GCM2: variants seen among roughly 807,000 people sequenced by gnomAD.
The protein encoded by GCM2 is chorion-specific transcription factor GCMb.
GCM2 carries 21 observed loss-of-function variants against 24.8 expected under a neutral mutation model. That is an observed-to-expected ratio of 0.85 (90% CI 0.60 to 1.22). The LOEUF (loss-of-function observed/expected upper bound fraction) is 1.22. Ranked by LOEUF, GCM2 falls within the 50% of genes most tolerant of loss-of-function variation. The pLI is 0.00. For synonymous variants in GCM2, 222 were observed against 238.0 expected (o/e 0.93, Z 0.62); for missense variants, 532 against 645.6 (o/e 0.82, Z 1.91).
intron 1 of GCM2, among the ~76,000 whole-genome samples, chr6:10,878,849 T>A (rs1177062590): frequency 6.6e-6 from 1 of 152,170 alleles, no homozygotes; most frequent in African/African-American, 2.4e-5. Context: ...AGAAGATGGG[T>A]AGCAGCCAGA....
intron 1 of GCM2, among the ~76,000 whole-genome samples, chr6:10,881,407 C>G (rs1779955516): frequency 6.6e-6 from 1 of 152,160 alleles, no homozygotes; most frequent in Non-Finnish European, 1.5e-5. Context: ...ATCCACCCGC[C>G]TCAGCCTCCC....
At chr6:10,878,467 T>C (rs1328067646) in intron 1 of GCM2, among the ~76,000 whole-genome samples, 4 of 152,080 alleles carry the variant, frequency 2.6e-5, no homozygotes, top group Non-Finnish European at 5.9e-5. Context: ...TATAGGTGCA[T>C]GCCACCACGC....
At position 10,873,983 on chromosome 6, in the gene GCM2, C is replaced by G; in HGVS notation, c.*12G>C. The G allele has an allele frequency of 6.2e-7, 1 of 1,603,062 alleles. No homozygotes were observed. The highest frequency in any genetic ancestry group is 1.1e-5 in the South Asian group (1 of 90,842). On this transcript the variant is annotated 3_prime_UTR_variant, in exon 5 of 5. Transcript: ENST00000379491. ...TGCATGCACACTGCTATTATGTCCC[C>G]TGGATTGTCTTTCAAAAATCCTCAT...
rs1199998575 is a variant in GCM2, at chr6:10,881,817, C to T, written c.-24G>A. The T allele has an allele frequency of 1.3e-6, 2 of 1,594,514 alleles. No individual in the cohort carries two copies. Among genetic ancestry groups the T allele is most frequent in the East Asian group, 4.5e-5 (2 of 44,828 alleles). ...ATCTGCCCAACTCGCTCGCGCTTTC[C>T]GCCCAGGGTTCTGAAAAATAGAAGA... On this transcript the variant is annotated 5_prime_UTR_variant, in exon 1 of 5. Coordinates refer to ENST00000379491, the MANE Select transcript of GCM2 (RefSeq NM_004752.4).
intron 1 of GCM2, 85 bp downstream of exon 1, chr6:10,881,619 G>C: frequency 1.5e-6 from 1 of 677,638 alleles, no homozygotes; most frequent in Non-Finnish European, 2.5e-6. Context: ...TGGTCCGTCC[G>C]CAGACTCTTC....
At position 10,882,028 on chromosome 6, in the gene GCM2, C is replaced by T. The variant is rs1453474662; in HGVS notation, c.-235G>A. 3.6e-6 allele frequency: 2 copies of T among 548,476 alleles called. No homozygotes were observed. The highest frequency in any genetic ancestry group is 6.6e-6 in the Non-Finnish European group (2 of 305,252). 34.0% of individuals were successfully genotyped at this position (548,476 alleles called of 1,614,324 possible). A position where few individuals can be genotyped will look rare whatever the true frequency, so the allele number is the denominator to read the frequency against. ...GCCGCGGTGCTGAACGTTCTCCACC[C>T]GAACGGCAGCATCGACCTCTGGCAG... On this transcript the variant is annotated 5_prime_UTR_variant, in exon 1 of 5. Coordinates refer to ENST00000379491, the MANE Select transcript of GCM2 (RefSeq NM_004752.4).
Position 10,874,580 on chromosome 6 carries a change from A to G in GCM2, c.936T>C (p.Cys312=). Residue 312 remains cysteine, a synonymous_variant, in exon 5 of 5, where the codon TGT becomes TGC. Transcript: ENST00000379491. The part of the protein sequence containing the change: ...TDWVHLNTLQ[C]NVNSYSSYER... ...CATAGCTGCTGTATGAATTGACATT[A>G]CATTGTAGTGTGTTCAGATGAACCC... is the stretch of plus-strand genomic sequence containing the variant. The G allele has an allele frequency of 1.2e-6, 2 of 1,614,128 alleles. No homozygotes were observed. Among genetic ancestry groups the G allele is most frequent in the Non-Finnish European group, 1.7e-6 (2 of 1,179,954 alleles).
In GCM2 at chr6:10,877,296, C is replaced by T. The variant is rs104893960; in HGVS notation, c.187G>A (p.Gly63Ser). 9 of 1,614,066 alleles carry T rather than the reference C, an allele frequency of 5.6e-6. No individual in the cohort carries two copies. The highest frequency in any genetic ancestry group is 5.3e-5 in the African/African-American group (4 of 74,920). The change falls in exon 2 of 5, where the codon GGC becomes AGC. Residue 63 changes from glycine to serine, a missense_variant. By Grantham distance (56) the Gly-to-Ser change is moderately conservative. Coordinates refer to ENST00000379491, the MANE Select transcript of GCM2 (RefSeq NM_004752.4). ...TTGTTGGTGTTGCGCATGGCCCAGCCGCTCAGGTGACGCTGTGCCTTCTTC... is the reference window on the plus strand; with the variant it reads ...TTGTTGGTGTTGCGCATGGCCCAGCTGCTCAGGTGACGCTGTGCCTTCTTC... Reference protein sequence around the residue: ...DEKKAQRHLSGWAMRNTNNHN... With the variant: ...DEKKAQRHLSSWAMRNTNNHN...
chr6:10,875,135 G>T (rs891279168), intron 4 of GCM2, among the ~76,000 whole-genome samples: 2 of 152,100 alleles, frequency 1.3e-5, no homozygotes, highest in African/African-American at 4.8e-5. Flanking sequence ...AAATACCAAC[G>T]ACTGAATGAC....
chr6:10,878,532 T>A (rs1196783003), intron 1 of GCM2, among the ~76,000 whole-genome samples: 1 of 152,172 alleles, frequency 6.6e-6, no homozygotes, highest in African/African-American at 2.4e-5. Context: ...TTGGCCAGGA[T>A]GGTCTTGATC....
In GCM2 at chr6:10,874,625, A is replaced by G; in HGVS notation, c.891T>C (p.Ser297=). The G allele has an allele frequency of 6.2e-7, 1 of 1,614,100 alleles. No individual in the cohort carries two copies. The highest frequency in any genetic ancestry group is 1.1e-5 in the South Asian group (1 of 91,086). ...PYPTLYKDST[S]IPNDTDWVHL... ...GAACCCAGTCTGTGTCATTAGGGATACTGGTGGAATCCTTATAAAGGGTGG... is the reference window on the plus strand; with the variant it reads ...GAACCCAGTCTGTGTCATTAGGGATGCTGGTGGAATCCTTATAAAGGGTGG... Residue 297 remains serine, a synonymous_variant, in exon 5 of 5, where the codon AGT becomes AGC. Coordinates refer to ENST00000379491, the MANE Select transcript of GCM2 (RefSeq NM_004752.4).
In GCM2 at chr6:10,874,386, G is replaced by C; in HGVS notation, c.1130C>G (p.Pro377Arg). ...GGTGGTGATCACGGTTTGTAGGGCA[G>C]GGGCACCTGGTGGTGGAGTCGTGAG... ...RYLTTPPPGA[P>R]ALQTVITTTT... The change falls in exon 5 of 5, where the codon CCT becomes CGT. Residue 377 changes from proline to arginine, a missense_variant. Coordinates refer to ENST00000379491, the MANE Select transcript of GCM2 (RefSeq NM_004752.4). 1 of 1,614,214 alleles carries C rather than the reference G, an allele frequency of 6.2e-7. No homozygotes were observed. The highest frequency in any genetic ancestry group is 8.5e-7 in the Non-Finnish European group (1 of 1,180,040).
chr6:10,881,675 G>A (rs1779960982), intron 1 of GCM2, 29 bp downstream of exon 1: 1 of 1,553,102 alleles, frequency 6.4e-7, no homozygotes, highest in Non-Finnish European at 8.9e-7. Context: ...ACAGCGCCCC[G>A]CGTGCCCGCA....
Position 10,874,661 on chromosome 6 carries a change from T to G in GCM2, c.855A>C (p.Ser285=), listed in dbSNP as rs1561671424. The change falls in exon 5 of 5, where the codon TCA becomes TCC. Residue 285 remains serine (S), a synonymous_variant. Transcript: ENST00000379491. ...YELANPGYTN[S]SPYPTLYKDS... ...CCTTATAAAGGGTGGGATATGGGCT[T>G]GAATTTGTATAACCAGGGTTTGCCA... 3 of 1,614,238 alleles carry G rather than the reference T, an allele frequency of 1.9e-6. No individual in the cohort carries two copies. Among genetic ancestry groups the G allele is most frequent in the Non-Finnish European group, 1.7e-6 (2 of 1,180,040 alleles).
rs1779859834 is a variant in GCM2 at position 10,875,173 on chromosome 6, C to T, written c.583-240G>A. Among the ~76,000 whole-genome samples the T allele has an allele frequency of 2.0e-5, 3 of 152,194 alleles. No individual in the cohort carries two copies. In the South Asian group the frequency reaches 6.2e-4, roughly 32 times the overall value. ...AGGTCCATGGTAGCCAGGTAGGATG[C>T]TTCTGAGTGGCAGATGGTCCTGTTC... On this transcript the variant is annotated intron_variant, in intron 4 of 4. Coordinates refer to ENST00000379491, the MANE Select transcript of GCM2 (RefSeq NM_004752.4).
At chr6:10,878,793 A>AG (rs752515707) in intron 1 of GCM2, among the ~76,000 whole-genome samples, 4 of 152,234 alleles carry the variant, frequency 2.6e-5, no homozygotes, top group Non-Finnish European at 5.9e-5. Context: ...AAGGAAGTGG[A>AG]GGTTCAATAG....
At position 10,877,225 on chromosome 6, in the gene GCM2, C is replaced by T; in HGVS notation, c.258G>A (p.Val86=). 6.2e-7 allele frequency: 1 copy of T among 1,614,182 alleles called. No individual in the cohort carries two copies. Among genetic ancestry groups the T allele is most frequent in the Non-Finnish European group, 8.5e-7 (1 of 1,180,032 alleles). ...ILKKSCLGVV[V]CTQACTLPDG... is the part of the protein sequence containing the mutation. ...CGGGCAGGGTGCAGGCCTGTGTACA[C>T]ACCACCACACCCAGGCACGACTTCT... is the stretch of plus-strand genomic sequence containing the variant. The change falls in exon 2 of 5, where the codon GTG becomes GTA. Residue 86 remains valine, a synonymous_variant. Coordinates refer to ENST00000379491, the MANE Select transcript of GCM2 (RefSeq NM_004752.4).
rs1366053381 is a variant in GCM2, at chr6:10,881,551, GGTATGTGTGTGT to G, written c.90+141_90+152del. ...GCCTCAGAAACCCAGAAATTTTGCGGGTATGTGTGTGTGTGTGTGTGTGTGTGTGTGTGTGTG... is the reference window on the plus strand; with the variant it reads ...GCCTCAGAAACCCAGAAATTTTGCGGGTGTGTGTGTGTGTGTGTGTGTGTG... On this transcript the variant is annotated intron_variant, in intron 1 of 4. Transcript: ENST00000379491. 6.5e-3 allele frequency among the ~76,000 whole-genome samples: 832 copies of G among 128,238 alleles called. 11 individuals are homozygous for G. The highest frequency in any genetic ancestry group is 0.019 in the African/African-American group (618 of 33,154). The allele number at this position is 128,238 out of a possible 152,430, so 84.1% of individuals were successfully genotyped here. A position where few individuals can be genotyped will look rare whatever the true frequency, so the allele number is the denominator to read the frequency against.
rs774963116 is a variant in GCM2, at chr6:10,881,716, C to T, written c.78G>A (p.Pro26=). ...GMQLSWDIND[P]QMPQELALFD... Reference sequence around the variant, plus strand: ...CCGGTTCACTTACCTGAGGCATCTGCGGATCGTTGATGTCCCAGCTGAGCT... The same window carrying T: ...CCGGTTCACTTACCTGAGGCATCTGTGGATCGTTGATGTCCCAGCTGAGCT... Residue 26 remains proline, a synonymous_variant, in exon 1 of 5, where the codon CCG becomes CCA. Transcript: ENST00000379491. 3 of 1,611,280 alleles carry T rather than the reference C, an allele frequency of 1.9e-6. No individual in the cohort carries two copies. Among genetic ancestry groups the T allele is most frequent in the Middle Eastern group, 1.6e-4 (1 of 6,082 alleles).
Sources: gnomAD v4.1 joint callset for allele counts (sites outside exome capture counted in the v4.1 genomes callset) on GRCh38, gnomAD v4.1.1 for gene constraint, MANE v1.5 for transcripts, NCBI Gene and HGNC (gene_info 2026-07-23, HGNC 2026-07-21) for gene names.